GK: variants seen among roughly 807,000 people sequenced by gnomAD.
GK encodes the protein ATP:glycerol 3-phosphotransferase.
In GK, 9 loss-of-function variants were observed where a neutral mutation model predicts 56.4. That is an observed-to-expected ratio of 0.16 (90% CI 0.10 to 0.28). GK has a LOEUF of 0.28. GK is among the 10% of genes least tolerant of loss of function. The pLI is 1.00. For synonymous variants in GK, 104 were observed against 144.1 expected (o/e 0.72, Z 1.99); for missense variants, 161 against 431.4 (o/e 0.37, Z 5.55).
chrX:30,718,806 G>A (rs1045192435), intron 14 of GK, among the ~76,000 whole-genome samples, 190 bp downstream of exon 14: 1 of 111,823 alleles, frequency 8.9e-6, no homozygotes, highest in African/African-American at 3.2e-5. Flanking sequence ...GACATAATTA[G>A]TGGTGGTTGT....
chrX:30,730,184 A>C lies in GK; in HGVS notation c.*1442A>C, dbSNP rs771295190. On this transcript the variant is annotated 3_prime_UTR_variant, in exon 21 of 21. Transcript: ENST00000427190. ...AAAATTACTTTGTTTTGTAGTAAACAGTGAAGAAAAGATTGCCTCCTAATT... is the reference window on the plus strand; with the variant it reads ...AAAATTACTTTGTTTTGTAGTAAACCGTGAAGAAAAGATTGCCTCCTAATT... 8.9e-6 allele frequency: 1 copy of C among 112,476 alleles called. No homozygotes were observed. The highest frequency in any genetic ancestry group is 3.2e-5 in the African/African-American group (1 of 31,049). The allele number at this position is 112,476 out of a possible 1,213,427, so 9.3% of individuals were successfully genotyped here.
intron 3 of GK, among the ~76,000 whole-genome samples, chrX:30,673,735 A>G (rs998336171): frequency 1.8e-5 from 2 of 111,930 alleles, no homozygotes; most frequent in Non-Finnish European, 3.8e-5. Context: ...ATAGCTCTAA[A>G]TTAGATTCTG....
At chrX:30,675,586 A>G (rs1933836233) in intron 3 of GK, among the ~76,000 whole-genome samples, 1 of 103,509 alleles carries the variant, frequency 9.7e-6, no homozygotes, top group Admixed American at 1.1e-4. Flanking sequence ...TGGCACCATC[A>G]GAGCTCACTG....
intron 2 of GK, among the ~76,000 whole-genome samples, chrX:30,666,838 G>C (rs1315887669): frequency 8.9e-6 from 1 of 111,966 alleles, no homozygotes; most frequent in South Asian, 3.6e-4. Flanking sequence ...TAAATACACA[G>C]AAGGAGACTG....
intron 6 of GK, chrX:30,695,249 C>T: frequency 2.0e-6 from 1 of 509,441 alleles, no homozygotes; most frequent in East Asian, 1.1e-4. Context: ...GAAAGAGGCA[C>T]CTTCTTCACC....
chrX:30,711,849 G>A (rs931041810), intron 13 of GK, among the ~76,000 whole-genome samples: 11 of 111,431 alleles, frequency 9.9e-5, no homozygotes, highest in African/African-American at 3.6e-4. Context: ...ACCTCTATTT[G>A]CCCCACGATC....
chrX:30,720,819 C>A, intron 17 of GK, 33 bp from the exon 18 acceptor site: 3 of 1,210,478 alleles, frequency 2.5e-6, no homozygotes, highest in Non-Finnish European at 2.2e-6. Context: ...CATATGTAAC[C>A]ACAAAGATAT....
At chrX:30,700,666 ATATTAACAAATGG>A (rs1413215150) in intron 10 of GK, among the ~76,000 whole-genome samples, 159 bp from the exon 11 acceptor site, 7 of 112,334 alleles carry the variant, frequency 6.2e-5, no homozygotes, top group Admixed American at 3.8e-4. Context: ...ATTATCTTAC[ATATTAACAAATGG>A]TATTAACAAA....
intron 9 of GK, chrX:30,700,211 T>C (rs1331509057): frequency 4.3e-5 from 17 of 394,546 alleles, no homozygotes; most frequent in African/African-American, 2.5e-4. Context: ...TTATGTTCAT[T>C]CTCCAGTGCC....
intron 19 of GK, among the ~76,000 whole-genome samples, chrX:30,726,110 A>G (rs778207792): frequency 5.5e-4 from 61 of 111,352 alleles, no homozygotes; most frequent in Non-Finnish European, 9.4e-4. Flanking sequence ...GTACTTTACT[A>G]TCAATGAATT....
In GK at chrX:30,727,454, GGAT is replaced by G; in HGVS notation, c.1583-9_1583-7del. 9.2e-7 allele frequency: 1 copy of G among 1,083,063 alleles called. No individual in the cohort carries two copies. Among genetic ancestry groups the G allele is most frequent in the Non-Finnish European group, 1.3e-6 (1 of 780,343 alleles). 89.3% of individuals were successfully genotyped at this position (1,083,063 alleles called of 1,213,427 possible). A position where few individuals can be genotyped will look rare whatever the true frequency, so the allele number is the denominator to read the frequency against. On this transcript the variant is annotated splice_polypyrimidine_tract_variant and intron_variant, in intron 19 of 20. Transcript: ENST00000427190. ...GCTTGACTGGAATTCTCTTCTGCTT[GGAT>G]GACCACAGGTGACCCTAGTATCTTC...
At chrX:30,671,811 A>T (rs769893047) in intron 3 of GK, 6 of 111,859 alleles carry the variant, frequency 5.4e-5, no homozygotes, top group Admixed American at 9.5e-5. Flanking sequence ...GGCTCAAGGA[A>T]TTACAAAGTA....
At chrX:30,700,167 A>G in intron 9 of GK, 1 of 360,612 alleles carries the variant, frequency 2.8e-6, no homozygotes, top group South Asian at 5.1e-5. Flanking sequence ...AACCAAGAGT[A>G]GAGCCCTCAT....
rs1937301406 is a variant in GK at position 30,730,328 on chromosome X, T to G, written c.*1586T>G. 8.9e-6 allele frequency: 1 copy of G among 111,755 alleles called. No homozygotes were observed. Among genetic ancestry groups the G allele is most frequent in the Non-Finnish European group, 1.9e-5 (1 of 53,181 alleles). 9.2% of individuals were successfully genotyped at this position (111,755 alleles called of 1,213,427 possible). On this transcript the variant is annotated 3_prime_UTR_variant, in exon 21 of 21. Coordinates refer to ENST00000427190, the MANE Select transcript of GK (RefSeq NM_001205019.2). ...TCTGATTGTGCTGTTTCTAATTTAT[T>G]GAATCTGCTAGGTTTTATTGATGCA...
At chrX:30,699,430 A>G (rs963176234) in intron 9 of GK, among the ~76,000 whole-genome samples, 8 of 97,721 alleles carry the variant, frequency 8.2e-5, no homozygotes, top group Non-Finnish European at 1.4e-4. Context: ...CAATGGCATG[A>G]TCTTGGCTCA....
intron 6 of GK, among the ~76,000 whole-genome samples, chrX:30,694,894 C>G (rs1414774481): frequency 8.9e-6 from 1 of 111,870 alleles, no homozygotes; most frequent in Non-Finnish European, 1.9e-5. Context: ...GGATAAAATA[C>G]CTAGAGTACT....
At chrX:30,692,195 G>A (rs933660907) in intron 5 of GK, among the ~76,000 whole-genome samples, 4 of 110,550 alleles carry the variant, frequency 3.6e-5, no homozygotes, top group African/African-American at 1.3e-4. Flanking sequence ...TGACCATTCC[G>A]TCCCCCCACA....
chrX:30,670,869 G>T (rs1601881714), intron 3 of GK, among the ~76,000 whole-genome samples: 1 of 109,314 alleles, frequency 9.1e-6, no homozygotes. Context: ...TGTAATCCCA[G>T]CTACTTGGGA....
intron 2 of GK, among the ~76,000 whole-genome samples, chrX:30,667,637 G>T (rs1933176542): frequency 1.8e-5 from 2 of 111,520 alleles, no homozygotes; most frequent in South Asian, 7.3e-4. Flanking sequence ...CATCTACTTA[G>T]AAATAATCAG....
Sources: gnomAD v4.1 joint callset for allele counts (sites outside exome capture counted in the v4.1 genomes callset) on GRCh38, gnomAD v4.1.1 for gene constraint, MANE v1.5 for transcripts, NCBI Gene and HGNC (gene_info 2026-07-23, HGNC 2026-07-21) for gene names.